SLC2A9: variants seen among roughly 807,000 people sequenced by gnomAD.
SLC2A9 encodes solute carrier family 2, facilitated glucose transporter member 9.
Under a neutral mutation model 50.6 loss-of-function variants are expected in SLC2A9, and 39 were observed. The ratio of observed to expected loss-of-function variants is 0.77; its 90% confidence interval spans 0.60 to 1.01. The LOEUF is 1.01. Among genes scored for constraint, SLC2A9 ranks in the 50% least tolerant of loss-of-function variants. The pLI, the probability that SLC2A9 is intolerant of heterozygous loss-of-function variation, is 0.00. For synonymous variants in SLC2A9, 324 were observed against 276.9 expected (o/e 1.17, Z -1.69); for missense variants, 686 against 677.6 (o/e 1.01, Z -0.14).
chr4:9,826,398 T>C lies in SLC2A9; in HGVS notation c.1622A>G (p.Ter541=), dbSNP rs1725134551. Residue 541 remains the stop codon, a stop_retained_variant, in exon 12 of 12, where the codon TAA becomes TGA. Coordinates refer to ENST00000264784, the MANE Select transcript of SLC2A9 (RefSeq NM_020041.3). ...VTDGKINGRP[*] is the part of the protein sequence containing the mutation. ...GTCCAACGTGGAGGAGGAAACTTGT[T>C]AAGGCCTTCCATTTATCTTACCATC... The C allele has an allele frequency of 6.2e-7, 1 of 1,614,066 alleles. No individual in the cohort carries two copies. Among genetic ancestry groups the C allele is most frequent in the Non-Finnish European group, 8.5e-7 (1 of 1,179,900 alleles).
rs148610844 is a variant in SLC2A9, at chr4:9,806,301, G to A, written n.421-7060C>T. ...CCACGCAGGGAAAACCGCTTAAGGC[G>A]TTCTTAAACAACAAACAACAGCATG... On this transcript the variant is annotated intron_variant and non_coding_transcript_variant, in intron 3 of 3. Transcript: ENST00000503280. Among the ~76,000 whole-genome samples the A allele has an allele frequency of 1.6e-3, 251 of 152,352 alleles. 2 individuals carry two copies. The highest frequency in any genetic ancestry group is 5.5e-3 in the African/African-American group (230 of 41,582).
intron 10 of SLC2A9, among the ~76,000 whole-genome samples, chr4:9,838,705 C>T (rs1727498344): frequency 6.6e-6 from 1 of 152,010 alleles, no homozygotes; most frequent in Non-Finnish European, 1.5e-5. Context: ...AGACTGTGCA[C>T]CTACAACTAT....
At position 9,887,587 on chromosome 4, in the gene SLC2A9, G is replaced by C. The variant is rs1055450299; in HGVS notation, c.1271C>G (p.Ala424Gly). Residue 424 changes from alanine (A) to glycine (G), a missense_variant, in exon 10 of 12, where the codon GCC becomes GGC. By Grantham distance (60) the Ala-to-Gly change is moderately conservative. Transcript: ENST00000264784. The part of the protein sequence containing the change: ...LSIVGILAII[A>G]SFCSGPGGIP... ...CTTACCTGGCCCACTGCAGAAAGAG[G>C]CGATGATGGCCAGAATGCCCACGAT... The C allele has an allele frequency of 4.5e-6, 7 of 1,568,688 alleles. No individual in the cohort carries two copies. The highest frequency in any genetic ancestry group is 6.1e-6 in the Non-Finnish European group (7 of 1,156,970).
intron 1 of SLC2A9, among the ~76,000 whole-genome samples, chr4:9,772,981 C>T (rs1448214132): frequency 1.3e-5 from 2 of 152,182 alleles, no homozygotes; most frequent in Non-Finnish European, 2.9e-5. Flanking sequence ...ACGTCACTTG[C>T]TTAAGGTTCC....
At chr4:9,991,189 G>A (rs576343783) in intron 3 of SLC2A9, among the ~76,000 whole-genome samples, 1 of 152,264 alleles carries the variant, frequency 6.6e-6, no homozygotes, top group Admixed American at 6.5e-5. Context: ...TCCTTCCCCT[G>A]CTGCTTTCTG....
chr4:9,902,441 T>C (rs1157734415), intron 8 of SLC2A9, among the ~76,000 whole-genome samples: 1 of 152,246 alleles, frequency 6.6e-6, no homozygotes, highest in African/African-American at 2.4e-5. Context: ...CCATGTCTGC[T>C]TCTCTTCAGG....
downstream of SLC2A9, among the ~76,000 whole-genome samples, chr4:9,776,017 T>A (rs1280669744): frequency 6.6e-6 from 1 of 152,026 alleles, no homozygotes; most frequent in East Asian, 1.9e-4. Flanking sequence ...TCCGCTCACA[T>A]TCTATTGGCC....
chr4:9,958,818 G>A (rs6449157), intron 5 of SLC2A9, among the ~76,000 whole-genome samples: 75,632 of 151,796 alleles, frequency 0.5, 20,654 homozygotes, highest in African/African-American at 0.72. Context: ...AAATAAAGTG[G>A]TAGAACATCT....
At chr4:9,796,958 T>C (rs1661243805), downstream of SLC2A9, among the ~76,000 whole-genome samples, 1 of 152,116 alleles carries the variant, frequency 6.6e-6, no homozygotes, top group Admixed American at 6.5e-5. Flanking sequence ...GGTGGGGAAG[T>C]ACACCACTTC....
rs188156189 is a variant in SLC2A9, at chr4:9,971,239, T to A, written c.681+9353A>T. Among the ~76,000 whole-genome samples the A allele has an allele frequency of 9.8e-5, 15 of 152,338 alleles. No homozygotes were observed. The East Asian group carries it at 1.5e-3, about 16-fold the overall frequency. On this transcript the variant is annotated intron_variant, in intron 5 of 11. Coordinates refer to ENST00000264784, the MANE Select transcript of SLC2A9 (RefSeq NM_020041.3). ...TCATGATCATTTAATTAATTTAATTTATTTAATTTATTTAATTGGTTGCTT... is the reference window on the plus strand; with the variant it reads ...TCATGATCATTTAATTAATTTAATTAATTTAATTTATTTAATTGGTTGCTT...
chr4:10,000,764 G>A (rs1045922640), intron 2 of SLC2A9, among the ~76,000 whole-genome samples: 6 of 152,276 alleles, frequency 3.9e-5, no homozygotes, highest in African/African-American at 1.4e-4. Context: ...TACTAAACCA[G>A]TGTGGAATGG....
rs201690966 is a variant in SLC2A9, at chr4:9,942,050, G to A, written c.682-5C>T. 6.2e-7 allele frequency: 1 copy of A among 1,613,998 alleles called. No individual in the cohort carries two copies. Among genetic ancestry groups the A allele is most frequent in the Non-Finnish European group, 8.5e-7 (1 of 1,179,906 alleles). On this transcript the variant is annotated splice_polypyrimidine_tract_variant and splice_region_variant and intron_variant, in intron 5 of 11. Coordinates refer to ENST00000264784, the MANE Select transcript of SLC2A9 (RefSeq NM_020041.3). ...CAGGTATGGCCAGGTACTCTCCTGTGGGAGAAGGAGATGCTGCTGAGTGCA... is the reference window on the plus strand; with the variant it reads ...CAGGTATGGCCAGGTACTCTCCTGTAGGAGAAGGAGATGCTGCTGAGTGCA...
At chr4:9,839,564 T>C (rs938118772) in intron 10 of SLC2A9, among the ~76,000 whole-genome samples, 6 of 151,920 alleles carry the variant, frequency 3.9e-5, no homozygotes, top group Non-Finnish European at 7.4e-5. Context: ...AGGAAAGACA[T>C]GGAATCATCC....
intron 10 of SLC2A9, among the ~76,000 whole-genome samples, chr4:9,863,830 C>T (rs1188171199): frequency 1.3e-5 from 2 of 152,086 alleles, no homozygotes; most frequent in Admixed American, 1.3e-4. Context: ...TTCTGACTAA[C>T]CCCACGTCCA....
downstream of SLC2A9, among the ~76,000 whole-genome samples, chr4:9,776,187 C>CT (rs75524600): frequency 0.19 from 26,886 of 141,734 alleles, 2,594 homozygotes; most frequent in Middle Eastern, 0.27. Context: ...GTCTTTCTTT[C>CT]TTTTTTTTTT....
intron 10 of SLC2A9, among the ~76,000 whole-genome samples, chr4:9,837,692 G>A (rs1353738409): frequency 3.3e-5 from 5 of 152,222 alleles, no homozygotes; most frequent in African/African-American, 1.2e-4. Flanking sequence ...CTCTGTAAGT[G>A]TTTGCAGGAT....
rs114670986 is a variant in SLC2A9, at chr4:9,815,241, A to G, written n.420+11179T>C. ...AGCTGCTGTGACTAGAGAATCCAAG[A>G]CTAGGAATCCGTGCTCCTTTAACCT... On this transcript the variant is annotated intron_variant and non_coding_transcript_variant, in intron 3 of 3. Coordinates refer to the SLC2A9 transcript ENST00000503280. 5.8e-3 allele frequency among the ~76,000 whole-genome samples: 880 copies of G among 152,330 alleles called. 6 individuals carry two copies. The highest frequency in any genetic ancestry group is 0.02 in the African/African-American group (819 of 41,576).
intron 5 of SLC2A9, among the ~76,000 whole-genome samples, chr4:9,953,132 G>A (rs543070144): frequency 9.8e-5 from 15 of 152,286 alleles, no homozygotes; most frequent in African/African-American, 2.9e-4. Context: ...TAGGAGGTTC[G>A]GATCGCATCT....
intron 6 of SLC2A9, among the ~76,000 whole-genome samples, chr4:9,929,160 T>C (rs187570590): frequency 1.3e-5 from 2 of 152,384 alleles, no homozygotes; most frequent in African/African-American, 4.8e-5. Context: ...CCCTTATTCA[T>C]TTAATTCTCG....
Sources: gnomAD v4.1 joint callset for allele counts (sites outside exome capture counted in the v4.1 genomes callset) on GRCh38, gnomAD v4.1.1 for gene constraint, MANE v1.5 for transcripts, NCBI Gene and HGNC (gene_info 2026-07-23, HGNC 2026-07-21) for gene names.